The following KIF26B variants were observed in gnomAD, a reference collection of about 807,000 sequenced individuals.
The protein encoded by KIF26B is kinesin family member 26B.
A neutral mutation model predicts 151.2 loss-of-function variants in KIF26B; 63 were observed. The ratio of observed to expected loss-of-function variants is 0.42; its 90% CI spans 0.34 to 0.51. KIF26B has a LOEUF of 0.51. Ranked by LOEUF, KIF26B falls within the 20% of genes least tolerant of loss-of-function variation. The pLI is 0.07. For missense variants in KIF26B, 2,813 were observed against 2,913.6 expected (o/e 0.97, Z 0.79); for synonymous variants, 1,357 against 1,262.1 (o/e 1.08, Z -1.59).
intron 10 of KIF26B, chr1:245,673,689 T>TA (rs906356709): frequency 1.3e-5 from 2 of 152,252 alleles, no homozygotes; most frequent in Non-Finnish European, 2.9e-5. Flanking sequence ...ATATGTTTCT[T>TA]ACCTGAAACA....
chr1:245,325,673 T>C (rs1219969685), intron 2 of KIF26B, among the ~76,000 whole-genome samples: 1 of 151,754 alleles, frequency 6.6e-6, no homozygotes, highest in Admixed American at 6.6e-5. Context: ...ATCGCATCGT[T>C]GCACTCCAGC....
intron 5 of KIF26B, among the ~76,000 whole-genome samples, chr1:245,545,007 T>C (rs542744411): frequency 1.1e-4 from 17 of 152,248 alleles, no homozygotes; most frequent in Non-Finnish European, 2.1e-4. Context: ...GTAATTTCCA[T>C]GTACTTGGAG....
chr1:245,360,183 G>A lies in KIF26B; in HGVS notation c.466-6651G>A, dbSNP rs77723338. 9.0e-3 allele frequency among the ~76,000 whole-genome samples: 1,368 copies of A among 152,076 alleles called. 20 individuals carry two copies. The highest frequency in any genetic ancestry group is 0.04 in the East Asian group (205 of 5,166). On this transcript the variant is annotated intron_variant, in intron 2 of 14. Coordinates refer to ENST00000407071, the MANE Select transcript of KIF26B (RefSeq NM_018012.4). The stretch of plus-strand genomic sequence containing the variant: ...CCACTGCACCCGGGCTGATTTAAGA[G>A]GGCTTTGACTTGACCAGATGTGGTG...
intron 4 of KIF26B, among the ~76,000 whole-genome samples, chr1:245,459,914 G>A (rs941824709): frequency 2.0e-5 from 3 of 147,618 alleles, no homozygotes; most frequent in Non-Finnish European, 4.5e-5. Context: ...TTTTTTCCCT[G>A]CCTGCAGCCT....
chr1:245,331,411 G>T (rs191209986), intron 2 of KIF26B, among the ~76,000 whole-genome samples: 1 of 152,274 alleles, frequency 6.6e-6, no homozygotes, highest in Admixed American at 6.5e-5. Flanking sequence ...AGAAAAGCCC[G>T]CAGTCGTCCA....
At chr1:245,300,568 G>T (rs1258008517) in intron 2 of KIF26B, among the ~76,000 whole-genome samples, 2 of 145,758 alleles carry the variant, frequency 1.4e-5, no homozygotes, top group African/African-American at 2.6e-5. Flanking sequence ...TTGCTCTGTT[G>T]CCCAGGCTAT....
intron 2 of KIF26B, among the ~76,000 whole-genome samples, chr1:245,188,407 C>T (rs1289696863): frequency 1.3e-5 from 2 of 152,008 alleles, no homozygotes; most frequent in African/African-American, 2.4e-5. Context: ...ACCTCTCTCT[C>T]GAATAGCCCC....
intron 2 of KIF26B, among the ~76,000 whole-genome samples, chr1:245,341,566 C>A (rs1048684667): frequency 6.6e-6 from 1 of 152,104 alleles, no homozygotes; most frequent in Non-Finnish European, 1.5e-5. Context: ...AAGTGATCCT[C>A]CCCCCTTGGC....
chr1:245,398,664 T>A (rs1173008252), intron 3 of KIF26B, among the ~76,000 whole-genome samples: 1 of 152,148 alleles, frequency 6.6e-6, no homozygotes, highest in Non-Finnish European at 1.5e-5. Context: ...GTCCAGGGGC[T>A]TGCTATTGAA....
intron 2 of KIF26B, among the ~76,000 whole-genome samples, chr1:245,247,785 CTGTT>C (rs1670364697): frequency 6.6e-6 from 1 of 152,230 alleles, no homozygotes; most frequent in Non-Finnish European, 1.5e-5. Context: ...ATTAAGTCAT[CTGTT>C]TGGAGAAGAG....
rs560797570 is a variant in KIF26B at position 245,702,717 on chromosome 1, G to A, written c.*111G>A. 6.6e-5 allele frequency: 84 copies of A among 1,278,666 alleles called. 3 individuals are homozygous for A. The South Asian group carries it at 1.4e-3, about 21-fold the overall frequency. The allele number at this position is 1,278,666 out of a possible 1,614,324, so 79.2% of individuals were successfully genotyped here. A position where few individuals can be genotyped will look rare whatever the true frequency, so the allele number is the denominator to read the frequency against. ...TCAAAGACAATGAATGAGGATGAAG[G>A]TTGGTGGCAAGTCTGGAGCGGGCGT... On this transcript the variant is annotated 3_prime_UTR_variant, in exon 15 of 15. Transcript: ENST00000407071. The surrounding 1 kb of genome is among the most constrained non-coding windows in gnomAD (Gnocchi z 4.1).
chr1:245,402,307 G>A (rs1309550215), intron 3 of KIF26B, among the ~76,000 whole-genome samples: 1 of 152,194 alleles, frequency 6.6e-6, no homozygotes, highest in Non-Finnish European at 1.5e-5. Flanking sequence ...AGCACAAACA[G>A]AACAAAGTTC....
At chr1:245,320,702 T>C (rs10924170) in intron 2 of KIF26B, among the ~76,000 whole-genome samples, 56,184 of 151,882 alleles carry the variant, frequency 0.37, 13,196 homozygotes, top group African/African-American at 0.66. Context: ...TTTTGGTGGC[T>C]TAGTCTCCTC....
rs57007301 is a variant in KIF26B at position 245,344,494 on chromosome 1, CAAAAAAAAAAAAAA to C, written c.466-22326_466-22313del. On this transcript the variant is annotated intron_variant, in intron 2 of 14. Transcript: ENST00000407071. The stretch of plus-strand genomic sequence containing the variant: ...TGGGTGACTGAGCTAGACTCCGTCT[CAAAAAAAAAAAAAA>C]AAAAAAAAAAAAAGGAAATGTATCC... Among the ~76,000 whole-genome samples, 50 of 40,018 alleles carry C rather than the reference CAAAAAAAAAAAAAA, an allele frequency of 1.2e-3. 1 individual carries two copies. The highest frequency in any genetic ancestry group is 2.2e-3 in the African/African-American group (44 of 20,304). 26.3% of individuals were successfully genotyped at this position (40,018 alleles called of 152,430 possible). A position where few individuals can be genotyped will look rare whatever the true frequency, so the allele number is the denominator to read the frequency against.
Position 245,367,285 on chromosome 1 carries a change from C to T in KIF26B, c.917C>T (p.Ser306Leu), listed in dbSNP as rs1034978766. 1.1e-5 allele frequency: 18 copies of T among 1,599,162 alleles called. 1 individual carries two copies. Among genetic ancestry groups the T allele is most frequent in the Admixed American group, 8.7e-5 (5 of 57,578 alleles). Residue 306 changes from serine to leucine, a missense_variant, in exon 3 of 15, where the codon TCG becomes TTG. Coordinates refer to ENST00000407071, the MANE Select transcript of KIF26B (RefSeq NM_018012.4). This position sits in a 1 kb window ranked among gnomAD's most constrained non-coding sequence, Gnocchi z 4.2. ...TSPSNGNILN[S>L]VAIQAHQYLD... Reference sequence around the variant, plus strand: ...CCAAGCAATGGGAACATCCTCAATTCGGTGGCCATCCAGGCTCACCAGTAC... The same window carrying T: ...CCAAGCAATGGGAACATCCTCAATTTGGTGGCCATCCAGGCTCACCAGTAC...
chr1:245,390,941 A>AAAAAAC (rs1558147931), intron 3 of KIF26B, among the ~76,000 whole-genome samples: 2 of 146,356 alleles, frequency 1.4e-5, no homozygotes, highest in African/African-American at 5.1e-5. Flanking sequence ...AAAAAAAAAA[A>AAAAAAC]AAAAAAAAAA....
chr1:245,438,943 G>T (rs969228), intron 4 of KIF26B, among the ~76,000 whole-genome samples: 1 of 152,060 alleles, frequency 6.6e-6, no homozygotes, highest in African/African-American at 2.4e-5. Context: ...AAATGTTTGG[G>T]GGTAATGGAT....
intron 10 of KIF26B, among the ~76,000 whole-genome samples, chr1:245,674,280 T>C (rs574749278): frequency 1.3e-4 from 20 of 152,206 alleles, no homozygotes; most frequent in Middle Eastern, 3.4e-3. Flanking sequence ...CTCAGGATAA[T>C]GATTCAGGCC....
chr1:245,409,193 A>G (rs2103030868), intron 3 of KIF26B, among the ~76,000 whole-genome samples: 1 of 152,338 alleles, frequency 6.6e-6, no homozygotes, highest in Middle Eastern at 3.4e-3. Context: ...TCATGGTGGG[A>G]CCATATCACC....
Sources: allele counts gnomAD v4.1 joint callset (sites outside exome capture counted in the v4.1 genomes callset), GRCh38; gene constraint gnomAD v4.1.1; non-coding constraint Gnocchi (gnomAD v3.1); transcripts MANE v1.5; gene names NCBI Gene and HGNC (gene_info 2026-07-23, HGNC 2026-07-21).